Variants in TMEM51 observed in about 807,000 individuals in gnomAD.
TMEM51 encodes the protein chromosome 1 open reading frame 72.
Under a neutral mutation model 13.6 loss-of-function variants are expected in TMEM51, and 8 were observed. The ratio of observed to expected loss-of-function variants is 0.59; its 90% CI spans 0.35 to 1.07. TMEM51 has a LOEUF of 1.07. Ranked by LOEUF, TMEM51 falls within the 50% of genes least tolerant of loss-of-function variation. The probability of loss-of-function intolerance (pLI) is 0.02; values close to 1 mark genes in which losing one functional copy is unlikely to be tolerated. For synonymous variants in TMEM51, 147 were observed against 144.4 expected (o/e 1.02, Z -0.13); for missense variants, 279 against 330.7 (o/e 0.84, Z 1.21).
At chr1:15,195,482 T>C (rs1644028990) in intron 1 of TMEM51, among the ~76,000 whole-genome samples, 2 of 152,104 alleles carry the variant, frequency 1.3e-5, no homozygotes, top group African/African-American at 4.8e-5. Context: ...CCCATAGAGT[T>C]TATTGGGACT....
intron 1 of TMEM51, among the ~76,000 whole-genome samples, chr1:15,170,460 C>A (rs1189014860): frequency 2.0e-5 from 3 of 151,610 alleles, no homozygotes; most frequent in Non-Finnish European, 4.4e-5. Flanking sequence ...AGGTGCGCAC[C>A]ACCACGCCCG....
intron 1 of TMEM51, among the ~76,000 whole-genome samples, chr1:15,174,197 C>G (rs1297914368): frequency 6.6e-6 from 1 of 152,202 alleles, no homozygotes; most frequent in Admixed American, 6.5e-5. Context: ...ATGCAGGGTT[C>G]TGTGCCTTAG....
intron 1 of TMEM51, among the ~76,000 whole-genome samples, chr1:15,173,128 T>A (rs945459496): frequency 6.6e-6 from 1 of 152,090 alleles, no homozygotes; most frequent in Non-Finnish European, 1.5e-5. Context: ...TTAATAGTTG[T>A]GCCTGGACAT....
At chr1:15,160,132 A>G (rs547299964) in intron 1 of TMEM51, among the ~76,000 whole-genome samples, 1 of 152,262 alleles carries the variant, frequency 6.6e-6, no homozygotes, top group East Asian at 1.9e-4. Flanking sequence ...CATGTGGTCT[A>G]GGGAGGGGTG....
intron 1 of TMEM51, among the ~76,000 whole-genome samples, chr1:15,166,721 A>G (rs1643011717): frequency 6.6e-6 from 1 of 152,150 alleles, no homozygotes; most frequent in South Asian, 2.1e-4. Flanking sequence ...TCTATCTCAA[A>G]AAAAGAAAGA....
intron 1 of TMEM51, among the ~76,000 whole-genome samples, chr1:15,198,723 G>A (rs1573431135): frequency 6.6e-6 from 1 of 152,268 alleles, no homozygotes; most frequent in East Asian, 1.9e-4. Flanking sequence ...TGGCCAACTG[G>A]CAAAACTCAG....
At chr1:15,185,497 C>G (rs1240029905) in intron 1 of TMEM51, among the ~76,000 whole-genome samples, 1 of 152,140 alleles carries the variant, frequency 6.6e-6, no homozygotes, top group Non-Finnish European at 1.5e-5. Context: ...TGGGGAAATC[C>G]CCTTATAATA....
In TMEM51 at chr1:15,187,887, C is replaced by T. The variant is rs186916900; in HGVS notation, c.-266-22603C>T. On this transcript the variant is annotated intron_variant, in intron 1 of 3. Transcript: ENST00000376008. ...AACCCTCAGAGCCTGACTCTCAGCC[C>T]CCATTCCTGAGCCCCCACTTTGCAG... Among the ~76,000 whole-genome samples the T allele has an allele frequency of 9.2e-5, 14 of 152,238 alleles. No individual in the cohort carries two copies. In the South Asian group the frequency reaches 1.7e-3, roughly 18 times the overall value.
intron 2 of TMEM51, among the ~76,000 whole-genome samples, chr1:15,210,986 C>T (rs1031959027): frequency 3.3e-5 from 5 of 152,106 alleles, no homozygotes; most frequent in African/African-American, 1.2e-4. Context: ...TCTACGCCAC[C>T]GTTGCACACA....
Position 15,168,083 on chromosome 1 carries a change from C to T in TMEM51, c.-267+14129C>T, listed in dbSNP as rs12239895. On this transcript the variant is annotated intron_variant, in intron 1 of 3. Transcript: ENST00000376008. Reference sequence around the variant, plus strand: ...TATATACTTCTAGAAATTGTCTCTGCATATAATGATGCTTTTAGATGCTGC... The same window carrying T: ...TATATACTTCTAGAAATTGTCTCTGTATATAATGATGCTTTTAGATGCTGC... Among the ~76,000 whole-genome samples, 1,221 of 152,276 alleles carry T rather than the reference C, an allele frequency of 8.0e-3. 13 individuals are homozygous for T. Among genetic ancestry groups the T allele is most frequent in the African/African-American group, 0.023 (957 of 41,552 alleles).
intron 1 of TMEM51, among the ~76,000 whole-genome samples, chr1:15,176,152 C>A (rs904846829): frequency 6.6e-6 from 1 of 152,186 alleles, no homozygotes; most frequent in Admixed American, 6.5e-5. Flanking sequence ...TAGTGCCCAA[C>A]AACCCAGTGG....
At chr1:15,160,383 C>T (rs1207629597) in intron 1 of TMEM51, among the ~76,000 whole-genome samples, 1 of 152,210 alleles carries the variant, frequency 6.6e-6, no homozygotes, top group African/African-American at 2.4e-5. Flanking sequence ...AAGCAATTCT[C>T]TTGCCTCAGC....
chr1:15,215,386 T>G lies in TMEM51; in HGVS notation c.299T>G (p.Val100Gly), dbSNP rs1431269331. ...KQRQGEDLAH[V>G]QHPTGAGPHA... ...CGGCAGGGCGAGGACCTGGCCCATG[T>G]CCAGCACCCGACAGGCGCTGGGCCT... is the stretch of plus-strand genomic sequence containing the variant. The change falls in exon 3 of 4, where the codon GTC (valine) becomes GGC (glycine). Residue 100 changes from valine (V) to glycine (G), a missense_variant. Transcript: ENST00000376008. The G allele has an allele frequency of 6.2e-7, 1 of 1,607,048 alleles. No homozygotes were observed. Among genetic ancestry groups the G allele is most frequent in the African/African-American group, 1.3e-5 (1 of 75,016 alleles).
At chr1:15,158,879 C>T (rs1376672240) in intron 1 of TMEM51, among the ~76,000 whole-genome samples, 1 of 152,198 alleles carries the variant, frequency 6.6e-6, no homozygotes, top group Non-Finnish European at 1.5e-5. Context: ...AAGTAGAAGA[C>T]AGTGGACTAG....
intron 1 of TMEM51, among the ~76,000 whole-genome samples, chr1:15,169,606 C>G (rs1322228871): frequency 1.3e-5 from 2 of 152,132 alleles, no homozygotes; most frequent in East Asian, 3.8e-4. Context: ...TTTCAGCAAC[C>G]TGATTAAAAG....
At chr1:15,171,065 C>T (rs1643252568) in intron 1 of TMEM51, 1 of 879,514 alleles carries the variant, frequency 1.1e-6, no homozygotes, top group Non-Finnish European at 1.6e-6. Flanking sequence ...GGGTGGGGGG[C>T]TTGTTAAAAC....
chr1:15,215,635 G>A (rs1280729339), intron 3 of TMEM51, among the ~76,000 whole-genome samples: 1 of 152,194 alleles, frequency 6.6e-6, no homozygotes, highest in Non-Finnish European at 1.5e-5. Context: ...AAATAGCATG[G>A]TACAAATGGA....
chr1:15,181,476 G>A lies in TMEM51; in HGVS notation c.-267+27522G>A, dbSNP rs150415059. On this transcript the variant is annotated intron_variant, in intron 1 of 3. Coordinates refer to ENST00000376008, the MANE Select transcript of TMEM51 (RefSeq NM_001136218.2). ...GACTCTTAAGCGCTCAAATTAAACC[G>A]TCTTTTGGATTCTCTCATTTTTAAA... 1.4e-3 allele frequency among the ~76,000 whole-genome samples: 211 copies of A among 152,264 alleles called. 4 individuals are homozygous for A. In the East Asian group the frequency reaches 0.029, roughly 21 times the overall value.
intron 1 of TMEM51, among the ~76,000 whole-genome samples, chr1:15,173,554 C>T (rs1165056355): frequency 6.6e-6 from 1 of 152,012 alleles, no homozygotes; most frequent in Non-Finnish European, 1.5e-5. Flanking sequence ...GATTGTTTTC[C>T]TGCCATCATG....
Sources: allele counts gnomAD v4.1 joint callset (sites outside exome capture counted in the v4.1 genomes callset), GRCh38; gene constraint gnomAD v4.1.1; transcripts MANE v1.5; gene names NCBI Gene and HGNC (gene_info 2026-07-23, HGNC 2026-07-21).